The following DENND3 variants were observed in gnomAD, a reference collection of about 807,000 sequenced individuals.
The protein encoded by DENND3 is DENN domain containing 3, also known as DENN domain-containing protein 3.
Under a neutral mutation model 135.1 loss-of-function variants are expected in DENND3, and 88 were observed. The ratio of observed to expected loss-of-function variants is 0.65; its 90% CI spans 0.55 to 0.78. DENND3 has a LOEUF of 0.78. Among genes scored for constraint, DENND3 ranks in the 30% least tolerant of loss-of-function variants. DENND3 has a pLI of 0.00. For missense variants in DENND3, 1,392 were observed against 1,688.4 expected, an observed-to-expected ratio of 0.82 and a Z score of 3.08; for synonymous variants, 693 against 712.3, an observed-to-expected ratio of 0.97 and a Z score of 0.43.
intron 5 of DENND3, among the ~76,000 whole-genome samples, chr8:141,150,584 A>G (rs1396978825): frequency 6.6e-6 from 1 of 152,240 alleles, no homozygotes; most frequent in Non-Finnish European, 1.5e-5. Flanking sequence ...TTGCTGATTA[A>G]TTAGAGCTTA....
chr8:141,168,353 C>T lies in DENND3; in HGVS notation c.2103C>T (p.Ile701=), dbSNP rs1398212773. The T allele has an allele frequency of 6.2e-7, 1 of 1,613,860 alleles. No individual in the cohort carries two copies. Among genetic ancestry groups the T allele is most frequent in the East Asian group, 2.2e-5 (1 of 44,874 alleles). ...AGGCGCCGGAGCTGATGAGGCTCAT[C>T]AGCGAGATCCTGGACAAGCCGCACG... The part of the protein sequence containing the change: ...AEQAPELMRL[I]SEILDKPHEA... Residue 701 remains isoleucine (I), a synonymous_variant, in exon 13 of 23, where the codon ATC becomes ATT. Transcript: ENST00000519811. The surrounding 1 kb of genome is among the most constrained non-coding windows in gnomAD (Gnocchi z 6.2).
In DENND3 at chr8:141,174,040, C is replaced by T. The variant is rs549439420; in HGVS notation, c.2276-1160C>T. ...GATGTCTCTGCCTTATCGGGGAAGG[C>T]GTGCGTGGGCATGCCTACCTGGGTG... On this transcript the variant is annotated intron_variant, in intron 13 of 22. Transcript: ENST00000519811. This position sits in a 1 kb window ranked among gnomAD's most constrained non-coding sequence, Gnocchi z 4.6. 7.4e-4 allele frequency among the ~76,000 whole-genome samples: 113 copies of T among 152,202 alleles called. No homozygotes were observed. The highest frequency in any genetic ancestry group is 3.4e-3 in the Middle Eastern group (1 of 294).
rs74738357 is a variant in DENND3, at chr8:141,182,340, C to T, written c.2944+1486C>T. On this transcript the variant is annotated intron_variant, in intron 17 of 22. Transcript: ENST00000519811. The surrounding 1 kb of genome is among the most constrained non-coding windows in gnomAD (Gnocchi z 5.9). ...TGGCAGGCCAAGAAACCCAGGAACG[C>T]GATAGACCCTGGCTGAGTGAGCAGG... is the stretch of plus-strand genomic sequence containing the variant. 3.2e-3 allele frequency: 3,169 copies of T among 985,352 alleles called. 88 individuals carry two copies. In the African/African-American group the frequency reaches 0.051, roughly 16 times the overall value. The allele number at this position is 985,352 out of a possible 1,614,324, so 61.0% of individuals were successfully genotyped here. A position where few individuals can be genotyped will look rare whatever the true frequency, so the allele number is the denominator to read the frequency against.
At chr8:141,171,383 C>G (rs144157742) in intron 13 of DENND3, among the ~76,000 whole-genome samples, 2 of 152,308 alleles carry the variant, frequency 1.3e-5, no homozygotes, top group South Asian at 2.1e-4. Context: ...TGCAGCTGCC[C>G]GTGAGGTGGC....
intron 18 of DENND3, among the ~76,000 whole-genome samples, chr8:141,186,737 C>T (rs1037531360): frequency 3.3e-5 from 5 of 152,190 alleles, no homozygotes; most frequent in African/African-American, 7.2e-5. Flanking sequence ...CATGGTGTGT[C>T]GCTTCTTCCA....
chr8:141,143,411 A>G (rs1481738911), intron 4 of DENND3, among the ~76,000 whole-genome samples: 1 of 152,098 alleles, frequency 6.6e-6, no homozygotes, highest in African/African-American at 2.4e-5. Context: ...ATTTTCATTT[A>G]CAAATTTTTT....
At chr8:141,147,632 T>G (rs1282302222) in intron 5 of DENND3, among the ~76,000 whole-genome samples, 3 of 152,206 alleles carry the variant, frequency 2.0e-5, no homozygotes, top group Non-Finnish European at 4.4e-5. Context: ...TCCCCGTCTC[T>G]CCGATAGCAC....
At chr8:141,145,828 TATA>T (rs1817997483) in intron 5 of DENND3, among the ~76,000 whole-genome samples, 1 of 90,704 alleles carries the variant, frequency 1.1e-5, no homozygotes, top group African/African-American at 6.4e-5. Context: ...TATATATATA[TATA>T]TATATATATA....
rs555835068 is a variant in DENND3 at position 141,130,614 on chromosome 8, T to C, written c.102+1805T>C. On this transcript the variant is annotated intron_variant, in intron 1 of 22. Coordinates refer to ENST00000519811, the MANE Select transcript of DENND3 (RefSeq NM_001352890.3). The surrounding 1 kb of genome is among the most constrained non-coding windows in gnomAD (Gnocchi z 4.2). ...TTTAAGGTCAATATTAATGTTATAG[T>C]TAACCAAACATATGATTTTATTTAT... 6.6e-6 allele frequency among the ~76,000 whole-genome samples: 1 copy of C among 152,224 alleles called. No individual in the cohort carries two copies. Among genetic ancestry groups the C allele is most frequent in the South Asian group, 2.1e-4 (1 of 4,824 alleles).
In DENND3 at chr8:141,139,907, T is replaced by C. The variant is rs543143670; in HGVS notation, c.502-1296T>C. ...CCGGATGACGCTATATCTATCGTTT[T>C]TTTCTTTCTTTTTTTTTTTTGAGAC... On this transcript the variant is annotated intron_variant, in intron 3 of 22. Coordinates refer to ENST00000519811, the MANE Select transcript of DENND3 (RefSeq NM_001352890.3). This position sits in a 1 kb window ranked among gnomAD's most constrained non-coding sequence, Gnocchi z 4.2. Among the ~76,000 whole-genome samples the C allele has an allele frequency of 2.1e-5, 3 of 139,892 alleles. No homozygotes were observed. The highest frequency in any genetic ancestry group is 2.2e-4 in the South Asian group (1 of 4,528). 91.8% of individuals were successfully genotyped at this position (139,892 alleles called of 152,430 possible). A position where few individuals can be genotyped will look rare whatever the true frequency, so the allele number is the denominator to read the frequency against.
chr8:141,158,326 A>G (rs1569555904), intron 8 of DENND3: 1 of 1,266,712 alleles, frequency 7.9e-7, no homozygotes, highest in East Asian at 5.7e-5. Context: ...AGAGCGTGAC[A>G]TTCTGTAATA....
At position 141,192,515 on chromosome 8, in the gene DENND3, C is replaced by G. The variant is rs1409438621; in HGVS notation, c.3499-11C>G. ...CGGGGCCCATAGCCCACACCGTGCC[C>G]TGCGTTTCAGGAGGAGCAGCTGTGG... On this transcript the variant is annotated splice_polypyrimidine_tract_variant and intron_variant, in intron 21 of 22. Transcript: ENST00000519811. 14 of 1,602,624 alleles carry G rather than the reference C, an allele frequency of 8.7e-6. No homozygotes were observed. The highest frequency in any genetic ancestry group is 1.1e-5 in the Non-Finnish European group (13 of 1,173,276).
At chr8:141,180,658 T>G (rs1589691199) in intron 16 of DENND3, 89 bp from the exon 17 acceptor site, 1 of 1,205,900 alleles carries the variant, frequency 8.3e-7, no homozygotes, top group African/African-American at 1.5e-5. Context: ...AAGCTGATAT[T>G]CTGCAGAAAT....
chr8:141,179,656 CCGCGGCCAGT>C (rs1266323183), intron 16 of DENND3, among the ~76,000 whole-genome samples: 1 of 152,254 alleles, frequency 6.6e-6, no homozygotes, highest in Non-Finnish European at 1.5e-5. Flanking sequence ...GAGGCGTTGG[CCGCGGCCAGT>C]TGGCTTTCAC....
At position 141,168,954 on chromosome 8, in the gene DENND3, G is replaced by A. The variant is rs571609528; in HGVS notation, c.2275+429G>A. ...GCTCACTGCAACCTCTGCCTCCTGG[G>A]TTCAAGTGATTCTCCTGTCTTAACC... On this transcript the variant is annotated intron_variant, in intron 13 of 22. Coordinates refer to ENST00000519811, the MANE Select transcript of DENND3 (RefSeq NM_001352890.3). This position sits in a 1 kb window ranked among gnomAD's most constrained non-coding sequence, Gnocchi z 6.2. Among the ~76,000 whole-genome samples the A allele has an allele frequency of 2.6e-5, 4 of 152,298 alleles. No individual in the cohort carries two copies. In the South Asian group the frequency reaches 8.3e-4, roughly 32 times the overall value.
intron 20 of DENND3, among the ~76,000 whole-genome samples, chr8:141,190,871 C>G (rs1003073839): frequency 8.5e-5 from 13 of 152,206 alleles, no homozygotes; most frequent in African/African-American, 2.7e-4. Context: ...TCTCCGTGGA[C>G]CCAGACTGGG....
chr8:141,177,097 A>G, intron 15 of DENND3: 1 of 261,776 alleles, frequency 3.8e-6, no homozygotes, highest in Non-Finnish European at 7.3e-6. Context: ...CCACACCCGC[A>G]GGCCGGAGTT....
rs113262384 is a variant in DENND3, at chr8:141,134,960, G to T, written c.103-1549G>T. Among the ~76,000 whole-genome samples, 1,148 of 151,800 alleles carry T rather than the reference G, an allele frequency of 7.6e-3. 15 individuals are homozygous for T. Among genetic ancestry groups the T allele is most frequent in the African/African-American group, 0.025 (1,052 of 41,416 alleles). On this transcript the variant is annotated intron_variant, in intron 1 of 22. Coordinates refer to ENST00000519811, the MANE Select transcript of DENND3 (RefSeq NM_001352890.3). ...ATTCTCCTGCCTCAGCCCCCCGCCCGGCCGAGTAGCTGGGACTGCAGGCAT... is the reference window on the plus strand; with the variant it reads ...ATTCTCCTGCCTCAGCCCCCCGCCCTGCCGAGTAGCTGGGACTGCAGGCAT...
intron 21 of DENND3, 24 bp from the exon 22 acceptor site, chr8:141,192,502 C>A: frequency 3.7e-6 from 6 of 1,609,414 alleles, no homozygotes; most frequent in Non-Finnish European, 5.1e-6. Flanking sequence ...GGGCCCATAG[C>A]CCACACCGTG....
Sources: allele counts gnomAD v4.1 joint callset (sites outside exome capture counted in the v4.1 genomes callset), GRCh38; gene constraint gnomAD v4.1.1; non-coding constraint Gnocchi (gnomAD v3.1); transcripts MANE v1.5; gene names NCBI Gene and HGNC (gene_info 2026-07-23, HGNC 2026-07-21).